The following CTBP1 variants were observed in gnomAD, a reference collection of about 807,000 sequenced individuals.
CTBP1 encodes the protein C-terminal-binding protein 1.
In CTBP1, 11 loss-of-function variants were observed where a neutral mutation model predicts 42.1. The observed-to-expected ratio is 0.26, with a 90% confidence interval of 0.16 to 0.43. The LOEUF is 0.43. Ranked by LOEUF, CTBP1 falls within the 20% of genes least tolerant of loss-of-function variation. CTBP1 has a pLI of 1.00. For missense variants in CTBP1, 399 were observed against 624.3 expected (o/e 0.64, Z 3.85); for synonymous variants, 324 against 277.1 (o/e 1.17, Z -1.68).
Position 1,226,252 on chromosome 4 carries a change from C to T in CTBP1, c.308-686G>A, listed in dbSNP as rs541573477. 2.2e-3 allele frequency among the ~76,000 whole-genome samples: 337 copies of T among 152,296 alleles called. 1 individual carries two copies. Among genetic ancestry groups the T allele is most frequent in the Non-Finnish European group, 2.7e-3 (183 of 68,016 alleles). ...TCCCTGAGCCTATTTACCCTCATCCCTGGCTTGTCCCTGGCCAGGGCCGCC... is the reference window on the plus strand; with the variant it reads ...TCCCTGAGCCTATTTACCCTCATCCTTGGCTTGTCCCTGGCCAGGGCCGCC... On this transcript the variant is annotated intron_variant, in intron 4 of 9. Coordinates refer to ENST00000382952, the MANE Select transcript of CTBP1 (RefSeq NM_001012614.2).
chr4:1,228,200 T>C lies in CTBP1; in HGVS notation c.306A>G (p.Leu102=). The C allele has an allele frequency of 3.1e-6, 5 of 1,614,114 alleles. No individual in the cohort carries two copies. The highest frequency in any genetic ancestry group is 4.2e-6 in the Non-Finnish European group (5 of 1,179,988). ...GGAGAGAACTCGGAGCCGGCCTACCTAAATCCCCGGCCGACTTGATGTCGA... is the reference window on the plus strand; with the variant it reads ...GGAGAGAACTCGGAGCCGGCCTACCCAAATCCCCGGCCGACTTGATGTCGA... ...DNIDIKSAGD[L]GIAVCNVPAA... Residue 102 remains leucine, a splice_region_variant and synonymous_variant, in exon 4 of 10, where the codon TTA becomes TTG. Coordinates refer to ENST00000382952, the MANE Select transcript of CTBP1 (RefSeq NM_001012614.2).
intron 5 of CTBP1, among the ~76,000 whole-genome samples, chr4:1,223,049 G>A (rs926519442): frequency 3.4e-5 from 5 of 147,766 alleles, no homozygotes; most frequent in African/African-American, 1.2e-4. Flanking sequence ...CCTGTCCTGT[G>A]GGCTTGCTCT....
At chr4:1,248,814 C>G (rs1210246149) in intron 1 of CTBP1, 102 bp downstream of exon 1, 1 of 925,238 alleles carries the variant, frequency 1.1e-6, no homozygotes, top group Non-Finnish European at 1.3e-6. Context: ...GCCGGCGGCC[C>G]GCGGGCGCGC....
intron 2 of CTBP1, among the ~76,000 whole-genome samples, chr4:1,239,413 A>G (rs536809331): frequency 2.0e-3 from 307 of 152,262 alleles, no homozygotes; most frequent in African/African-American, 7.0e-3. Context: ...GGCCAGCAGG[A>G]GGGGAGGCGC....
upstream of CTBP1, chr4:1,249,772 G>A (rs1733157038): frequency 3.1e-6 from 1 of 321,182 alleles, no homozygotes; most frequent in African/African-American, 2.3e-5. Flanking sequence ...GAAGTTCAGG[G>A]CTGGAGAACC....
intron 9 of CTBP1, 85 bp downstream of exon 9, chr4:1,212,828 G>A (rs1728688091): frequency 3.4e-6 from 4 of 1,191,922 alleles, no homozygotes; most frequent in Middle Eastern, 2.5e-4. Context: ...TGGAGACGCC[G>A]CCCCTCCCAC....
intron 3 of CTBP1, among the ~76,000 whole-genome samples, chr4:1,229,188 G>T (rs541740035): frequency 6.6e-6 from 1 of 152,194 alleles, no homozygotes; most frequent in East Asian, 1.9e-4. Flanking sequence ...GCAGTGTGGG[G>T]TGCAGAGGCA....
intron 1 of CTBP1, chr4:1,241,839 G>A: frequency 8.6e-7 from 1 of 1,157,076 alleles, no homozygotes; most frequent in Non-Finnish European, 1.1e-6. Flanking sequence ...TGTCCCCAGT[G>A]TCCAAGAACC....
intron 2 of CTBP1, among the ~76,000 whole-genome samples, chr4:1,241,021 C>T (rs1046701804): frequency 1.3e-5 from 2 of 152,208 alleles, no homozygotes; most frequent in Non-Finnish European, 2.9e-5. Flanking sequence ...GCTCCACCCT[C>T]GTGCTGGCGG....
intron 3 of CTBP1, among the ~76,000 whole-genome samples, chr4:1,232,218 C>G (rs1731035845): frequency 6.6e-6 from 1 of 152,236 alleles, no homozygotes; most frequent in Admixed American, 6.5e-5. Flanking sequence ...TGAGTGTTAT[C>G]AGACATTCAC....
At chr4:1,215,617 G>A in intron 6 of CTBP1, 1 of 321,436 alleles carries the variant, frequency 3.1e-6, no homozygotes, top group South Asian at 3.0e-5. Context: ...CCTGAGCACA[G>A]CCCGTTCCAG....
At chr4:1,247,363 C>T (rs924525853) in intron 1 of CTBP1, among the ~76,000 whole-genome samples, 2 of 152,056 alleles carry the variant, frequency 1.3e-5, no homozygotes, top group Non-Finnish European at 2.9e-5. Flanking sequence ...CAAAGATGGG[C>T]AACAGAATCA....
chr4:1,213,138 C>G, intron 8 of CTBP1, 108 bp from the exon 9 acceptor site: 1 of 988,724 alleles, frequency 1.0e-6, no homozygotes, highest in Non-Finnish European at 1.6e-6. Flanking sequence ...TGTGCTCCTC[C>G]CTCTCAGCCC....
chr4:1,245,348 C>T, intron 1 of CTBP1: 1 of 985,452 alleles, frequency 1.0e-6, no homozygotes, highest in Non-Finnish European at 1.2e-6. Flanking sequence ...ATGCACACAA[C>T]CTGTGAGCTC....
intron 3 of CTBP1, chr4:1,236,569 G>C (rs1169438364): frequency 7.7e-6 from 5 of 652,556 alleles, no homozygotes; most frequent in Non-Finnish European, 1.4e-5. Flanking sequence ...GACAAACCGA[G>C]TGTCCACCTC....
intron 1 of CTBP1, chr4:1,244,539 C>A (rs550601077): frequency 1.0e-6 from 1 of 985,090 alleles, no homozygotes; most frequent in South Asian, 4.7e-5. Flanking sequence ...CCGGTCCGCT[C>A]CCCTCCCTCA....
intron 3 of CTBP1, among the ~76,000 whole-genome samples, chr4:1,229,082 G>A (rs1730693554): frequency 6.6e-6 from 1 of 152,180 alleles, no homozygotes; most frequent in Non-Finnish European, 1.5e-5. Context: ...CCCAACCCTG[G>A]CGCCTCCACT....
intron 5 of CTBP1, chr4:1,221,865 A>C (rs1729774745): frequency 7.2e-6 from 3 of 415,338 alleles, no homozygotes; most frequent in African/African-American, 6.2e-5. Context: ...TTTCAGAAGG[A>C]AGGAAGGAAG....
intron 5 of CTBP1, chr4:1,218,659 A>T (rs1211146037): frequency 6.6e-6 from 1 of 152,172 alleles, no homozygotes; most frequent in East Asian, 1.9e-4. Context: ...GACGTGGAAA[A>T]TCGGCCCGAG....
Sources: gnomAD v4.1 joint callset for allele counts (sites outside exome capture counted in the v4.1 genomes callset) on GRCh38, gnomAD v4.1.1 for gene constraint, MANE v1.5 for transcripts, NCBI Gene and HGNC (gene_info 2026-07-23, HGNC 2026-07-21) for gene names.